Variants in TPH2 observed in about 807,000 individuals in gnomAD.
TPH2 encodes the protein tryptophan hydroxylase 2, also known as tryptophan 5-hydroxylase 2.
In TPH2, 27 loss-of-function variants were observed where a neutral mutation model predicts 59.1. The observed-to-expected ratio is 0.46, with a 90% CI of 0.34 to 0.63. The LOEUF is 0.63. TPH2 is among the 30% of genes least tolerant of loss of function. TPH2 has a pLI of 0.01. For synonymous variants in TPH2, 220 were observed against 210.5 expected, an observed-to-expected ratio of 1.05 and a Z score of -0.39; for missense variants, 523 against 588.3, an observed-to-expected ratio of 0.89 and a Z score of 1.15.
intron 7 of TPH2, among the ~76,000 whole-genome samples, chr12:71,994,219 T>C (rs1478856661): frequency 5.3e-5 from 8 of 152,246 alleles, no homozygotes; most frequent in Admixed American, 3.9e-4. Context: ...TGCTTTTATG[T>C]TATTAAAACA....
chr12:72,027,652 A>C (rs989682487), intron 9 of TPH2, among the ~76,000 whole-genome samples: 4 of 152,210 alleles, frequency 2.6e-5, no homozygotes, highest in Non-Finnish European at 5.9e-5. Flanking sequence ...GATTCTGGGA[A>C]ATTTTTGATA....
At chr12:72,021,477 T>C (rs1873417595) in intron 8 of TPH2, among the ~76,000 whole-genome samples, 1 of 151,058 alleles carries the variant, frequency 6.6e-6, no homozygotes, top group African/African-American at 2.4e-5. Context: ...TTCATGATGG[T>C]GTGAAAGTGA....
chr12:71,944,315 C>A lies in TPH2; in HGVS notation c.277C>A (p.His93Asn), dbSNP rs779583241. The change falls in exon 3 of 11, where the codon CAT (histidine) becomes AAT (asparagine). Residue 93 changes from histidine to asparagine, a missense_variant. Transcript: ENST00000333850. ...LFQEKRVNMV[H>N]IESRKSRRRS... ...ACAGGAAAAACGTGTCAACATGGTT[C>A]ATATTGAATCCAGGAAATCTCGGCG... The A allele has an allele frequency of 6.2e-7, 1 of 1,613,734 alleles. No homozygotes were observed. The highest frequency in any genetic ancestry group is 8.5e-7 in the Non-Finnish European group (1 of 1,179,796).
chr12:71,944,680 C>T lies in TPH2; in HGVS notation c.534C>T (p.Asp178=). Residue 178 remains aspartate (D), a synonymous_variant, in exon 4 of 11, where the codon GAC becomes GAT. Coordinates refer to ENST00000333850, the MANE Select transcript of TPH2 (RefSeq NM_173353.4). ...VLMYGSELDA[D]HPGFKDNVYR... ...TGTATGGTTCTGAGCTTGATGCTGA[C>T]CACCCAGTAAGTGTCCAGTAAAATC... The T allele has an allele frequency of 6.2e-7, 1 of 1,613,652 alleles. No homozygotes were observed. Among genetic ancestry groups the T allele is most frequent in the Non-Finnish European group, 8.5e-7 (1 of 1,179,628 alleles).
chr12:71,961,074 C>T (rs142174241), intron 5 of TPH2, among the ~76,000 whole-genome samples: 28 of 152,272 alleles, frequency 1.8e-4, no homozygotes, highest in African/African-American at 5.1e-4. Context: ...AATGAGGAAA[C>T]GGAGGCCAAA....
intron 8 of TPH2, among the ~76,000 whole-genome samples, chr12:72,016,835 C>T (rs1275179800): frequency 6.6e-6 from 1 of 152,154 alleles, no homozygotes; most frequent in Non-Finnish European, 1.5e-5. Flanking sequence ...AAGTAGGCAA[C>T]TCGGGCTTCC....
In TPH2 at chr12:71,982,364, G is replaced by C. The variant is rs967801479; in HGVS notation, c.941+3277G>C. On this transcript the variant is annotated intron_variant, in intron 7 of 10. Coordinates refer to ENST00000333850, the MANE Select transcript of TPH2 (RefSeq NM_173353.4). ...ATTCAGAATTTAAAGTTCACTAAAA[G>C]GTATATACTGTGAACAGTGAGTTTC... Among the ~76,000 whole-genome samples, 5 of 152,154 alleles carry C rather than the reference G, an allele frequency of 3.3e-5. No homozygotes were observed. The East Asian group carries it at 7.7e-4, about 24-fold the overall frequency.
intron 8 of TPH2, among the ~76,000 whole-genome samples, chr12:72,021,048 A>G (rs1873398750): frequency 9.1e-6 from 1 of 109,348 alleles, no homozygotes; most frequent in African/African-American, 3.2e-5. Flanking sequence ...GCCCCTTTTC[A>G]GGAGTGTTTA....
At chr12:71,990,786 T>G (rs2139218998) in intron 7 of TPH2, among the ~76,000 whole-genome samples, 1 of 152,350 alleles carries the variant, frequency 6.6e-6, no homozygotes, top group African/African-American at 2.4e-5. Context: ...TTCAGGAATC[T>G]GAAGGGAAGT....
intron 6 of TPH2, among the ~76,000 whole-genome samples, chr12:71,973,448 A>G (rs1872029746): frequency 6.6e-6 from 1 of 152,358 alleles, no homozygotes. Context: ...CAGTGCCGTG[A>G]CAGTTTACAG....
At chr12:72,008,663 C>T (rs1436357021) in intron 8 of TPH2, among the ~76,000 whole-genome samples, 17 of 152,116 alleles carry the variant, frequency 1.1e-4, no homozygotes, top group Admixed American at 1.1e-3. Flanking sequence ...TAAAGGGAGG[C>T]TCAGACAAAT....
At chr12:71,956,244 A>C (rs1328037835) in intron 5 of TPH2, among the ~76,000 whole-genome samples, 1 of 152,216 alleles carries the variant, frequency 6.6e-6, no homozygotes, top group African/African-American at 2.4e-5. Flanking sequence ...TAGCATTGGA[A>C]GTGACACACC....
intron 6 of TPH2, 87 bp from the exon 7 acceptor site, chr12:71,978,865 C>G: frequency 5.8e-6 from 9 of 1,547,978 alleles, no homozygotes; most frequent in Non-Finnish European, 8.0e-6. Flanking sequence ...GTTTCTGGAT[C>G]TTCCTTATAA....
At chr12:71,951,985 A>T (rs1224668049) in intron 5 of TPH2, among the ~76,000 whole-genome samples, 1 of 152,196 alleles carries the variant, frequency 6.6e-6, no homozygotes, top group Non-Finnish European at 1.5e-5. Flanking sequence ...AGACTAAGGG[A>T]CTAGCTCAAG....
chr12:71,985,105 C>T (rs1245235521), intron 7 of TPH2, among the ~76,000 whole-genome samples: 1 of 152,172 alleles, frequency 6.6e-6, no homozygotes, highest in African/African-American at 2.4e-5. Context: ...TCACCTAATA[C>T]TACAACACTT....
At chr12:71,979,699 A>G (rs927775213) in intron 7 of TPH2, among the ~76,000 whole-genome samples, 3 of 152,172 alleles carry the variant, frequency 2.0e-5, no homozygotes, top group African/African-American at 2.4e-5. Flanking sequence ...GAGAGAAGCT[A>G]AGAGGTGATG....
intron 5 of TPH2, chr12:71,961,523 C>G: frequency 3.7e-6 from 5 of 1,351,292 alleles, no homozygotes; most frequent in Non-Finnish European, 4.9e-6. Flanking sequence ...AAATCTGTGA[C>G]TCTTCATTCT....
intron 7 of TPH2, among the ~76,000 whole-genome samples, chr12:71,992,533 G>A (rs1872604258): frequency 6.6e-6 from 1 of 151,840 alleles, no homozygotes; most frequent in Non-Finnish European, 1.5e-5. Context: ...GAGCCCAGGA[G>A]GTCCAGGCTG....
At chr12:71,991,615 G>A (rs1169724796) in intron 7 of TPH2, among the ~76,000 whole-genome samples, 1 of 152,064 alleles carries the variant, frequency 6.6e-6, no homozygotes, top group Non-Finnish European at 1.5e-5. Flanking sequence ...TTTTTCCATG[G>A]TAGGTTACTT....
Sources: gnomAD v4.1 joint callset for allele counts (sites outside exome capture counted in the v4.1 genomes callset) on GRCh38, gnomAD v4.1.1 for gene constraint, MANE v1.5 for transcripts, NCBI Gene and HGNC (gene_info 2026-07-23, HGNC 2026-07-21) for gene names.